PLEKHA7: variants seen among roughly 807,000 people sequenced by gnomAD.
The protein encoded by PLEKHA7 is pleckstrin homology domain-containing family A member 7.
A neutral mutation model predicts 170.0 loss-of-function variants in PLEKHA7; 104 were observed. The ratio of observed to expected loss-of-function variants is 0.61; its 90% CI spans 0.52 to 0.72. The LOEUF (loss-of-function observed/expected upper bound fraction) is 0.72. Ranked by LOEUF, PLEKHA7 falls within the 30% of genes least tolerant of loss-of-function variation. The pLI is 0.00. For missense variants in PLEKHA7, 1,615 were observed against 1,671.7 expected (o/e 0.97, Z 0.59); for synonymous variants, 648 against 660.8 (o/e 0.98, Z 0.30).
At chr11:16,824,081 G>A (rs1850446682) in intron 10 of PLEKHA7, among the ~76,000 whole-genome samples, 1 of 152,198 alleles carries the variant, frequency 6.6e-6, no homozygotes, top group South Asian at 2.1e-4. Context: ...TGGAGATAGA[G>A]TAGAATAATG....
At chr11:16,905,978 G>A (rs1857633917) in intron 3 of PLEKHA7, among the ~76,000 whole-genome samples, 1 of 149,284 alleles carries the variant, frequency 6.7e-6, no homozygotes, top group African/African-American at 2.4e-5. Flanking sequence ...CTAGGGCCCT[G>A]GAGTGAGGGA....
chr11:16,989,611 T>C (rs1296149732), intron 3 of PLEKHA7, among the ~76,000 whole-genome samples: 1 of 152,184 alleles, frequency 6.6e-6, no homozygotes, highest in Non-Finnish European at 1.5e-5. Flanking sequence ...CATGTCATCT[T>C]TGGTTTATCC....
intron 4 of PLEKHA7, among the ~76,000 whole-genome samples, chr11:16,866,356 C>T (rs1459276540): frequency 3.3e-5 from 5 of 151,536 alleles, no homozygotes; most frequent in Admixed American, 2.6e-4. Flanking sequence ...CTTTGGGAGG[C>T]CAAGGCGGGC....
chr11:16,838,992 C>A (rs765537898), intron 9 of PLEKHA7, among the ~76,000 whole-genome samples: 80 of 152,002 alleles, frequency 5.3e-4, no homozygotes, highest in Non-Finnish European at 9.1e-4. Context: ...GGCCACACAG[C>A]TTTCTTTAAA....
chr11:16,973,483 C>G (rs544581954), intron 3 of PLEKHA7, among the ~76,000 whole-genome samples: 1 of 152,338 alleles, frequency 6.6e-6, no homozygotes, highest in East Asian at 1.9e-4. Context: ...AGAAGTTTCT[C>G]TTGGTGCCCC....
rs755594568 is a variant in PLEKHA7, at chr11:16,817,057, G to A, written c.1609C>T (p.Pro537Ser). ...GAGCCAAGGCAGATGGGCGCTGTGG[G>A]GCTGCCGTGCCGGAACTGCTGGCGC... ...QQRQQFRHGSPTAPICLGSPE... is the reference protein window; with the variant it reads ...QQRQQFRHGSSTAPICLGSPE... Residue 537 changes from proline to serine, a missense_variant, in exon 11 of 27, where the codon CCC (proline) becomes TCC (serine). Transcript: ENST00000531066. The surrounding 1 kb of genome is among the most constrained non-coding windows in gnomAD (Gnocchi z 4.4). 3 of 1,610,762 alleles carry A rather than the reference G, an allele frequency of 1.9e-6. No individual in the cohort carries two copies. The highest frequency in any genetic ancestry group is 1.1e-5 in the South Asian group (1 of 90,544).
intron 24 of PLEKHA7, 53 bp downstream of exon 24, chr11:16,786,176 G>C (rs999008754): frequency 6.6e-6 from 10 of 1,526,436 alleles, no homozygotes; most frequent in Non-Finnish European, 8.8e-6. Context: ...GATCAGGCTG[G>C]GAACTTGAAG....
Position 16,817,930 on chromosome 11 carries a change from A to G in PLEKHA7, c.1344-608T>C, listed in dbSNP as rs964177792. ...TTCTGAAATAAAGTCTAAACTCCTCAGCCTGGTACTCACAGCTCGCTAGCA... is the reference window on the plus strand; with the variant it reads ...TTCTGAAATAAAGTCTAAACTCCTCGGCCTGGTACTCACAGCTCGCTAGCA... On this transcript the variant is annotated intron_variant, in intron 10 of 26. Coordinates refer to ENST00000531066, the MANE Select transcript of PLEKHA7 (RefSeq NM_001329630.2). The surrounding 1 kb of genome is among the most constrained non-coding windows in gnomAD (Gnocchi z 4.4). Among the ~76,000 whole-genome samples, 1 of 152,154 alleles carries G rather than the reference A, an allele frequency of 6.6e-6. No individual in the cohort carries two copies. Among genetic ancestry groups the G allele is most frequent in the Non-Finnish European group, 1.5e-5 (1 of 68,028 alleles).
chr11:16,963,175 C>T (rs1185698265), intron 3 of PLEKHA7, among the ~76,000 whole-genome samples: 1 of 152,202 alleles, frequency 6.6e-6, no homozygotes, highest in Non-Finnish European at 1.5e-5. Flanking sequence ...AGGACTGGGA[C>T]AGGGATGGTG....
chr11:16,802,189 G>T (rs216489), intron 15 of PLEKHA7, among the ~76,000 whole-genome samples: 35 of 152,198 alleles, frequency 2.3e-4, no homozygotes, highest in African/African-American at 7.7e-4. Context: ...CCAGCATCAC[G>T]AATTTAAAAT....
chr11:16,835,113 T>C (rs900669538), intron 9 of PLEKHA7, among the ~76,000 whole-genome samples: 1 of 149,164 alleles, frequency 6.7e-6, no homozygotes, highest in African/African-American at 2.6e-5. Flanking sequence ...CTACAAAAAA[T>C]ACAAAAAATG....
intron 3 of PLEKHA7, among the ~76,000 whole-genome samples, chr11:16,881,001 AC>A (rs1485852754): frequency 1.3e-5 from 2 of 152,218 alleles, no homozygotes; most frequent in African/African-American, 4.8e-5. Context: ...ACAGAGGCAG[AC>A]CAGTTGTCCT....
At chr11:17,005,740 T>C (rs548788075) in intron 3 of PLEKHA7, among the ~76,000 whole-genome samples, 2 of 152,318 alleles carry the variant, frequency 1.3e-5, no homozygotes, top group Admixed American at 1.3e-4. Flanking sequence ...AAGTTTCTTT[T>C]TGGAGATGTG....
At chr11:16,847,980 G>GT (rs1355889617) in intron 8 of PLEKHA7, among the ~76,000 whole-genome samples, 35 of 152,124 alleles carry the variant, frequency 2.3e-4, no homozygotes, top group African/African-American at 7.2e-4. Context: ...CTGCAGAGGA[G>GT]TTCCAAGGCT....
At chr11:17,013,932 G>T (rs1409827131) in intron 3 of PLEKHA7, 57 bp downstream of exon 3, 4 of 1,429,158 alleles carry the variant, frequency 2.8e-6, no homozygotes, top group African/African-American at 2.0e-5. Flanking sequence ...CGGCGGGAAC[G>T]GGGAGGGACC....
intron 3 of PLEKHA7, among the ~76,000 whole-genome samples, chr11:16,999,628 A>G (rs1047092454): frequency 3.9e-5 from 6 of 152,172 alleles, no homozygotes; most frequent in African/African-American, 1.4e-4. Context: ...CCTTTTGCAC[A>G]GCTTAACCCA....
At chr11:16,824,260 T>C (rs562211184) in intron 10 of PLEKHA7, among the ~76,000 whole-genome samples, 3 of 152,312 alleles carry the variant, frequency 2.0e-5, no homozygotes, top group African/African-American at 7.2e-5. Flanking sequence ...AGGGGTCAGG[T>C]GCAGTGGGTC....
At chr11:16,908,906 G>C (rs188909301) in intron 3 of PLEKHA7, among the ~76,000 whole-genome samples, 1 of 152,324 alleles carries the variant, frequency 6.6e-6, no homozygotes, top group South Asian at 2.1e-4. Context: ...CTGGAGAAGA[G>C]GAGCAGGCAG....
intron 4 of PLEKHA7, 22 bp downstream of exon 4, chr11:16,871,077 G>C (rs369892082): frequency 2.6e-6 from 4 of 1,541,234 alleles, no homozygotes; most frequent in Middle Eastern, 1.7e-4. Context: ...CCCAGATAAG[G>C]AGAATACATA....
Sources: gnomAD v4.1 joint callset for allele counts (sites outside exome capture counted in the v4.1 genomes callset) on GRCh38, gnomAD v4.1.1 for gene constraint, Gnocchi (gnomAD v3.1) non-coding constraint, MANE v1.5 for transcripts, NCBI Gene and HGNC (gene_info 2026-07-23, HGNC 2026-07-21) for gene names.